The following TXNDC11 variants were observed in gnomAD, a reference collection of about 807,000 sequenced individuals.
TXNDC11 encodes the protein thioredoxin domain-containing protein 11.
Under a neutral mutation model 78.0 loss-of-function variants are expected in TXNDC11, and 68 were observed. The ratio of observed to expected loss-of-function variants is 0.87; its 90% confidence interval spans 0.72 to 1.07. The LOEUF (loss-of-function observed/expected upper bound fraction) is 1.07. TXNDC11 is among the 50% of genes least tolerant of loss of function. TXNDC11 has a pLI of 0.00. For synonymous variants in TXNDC11, 571 were observed against 495.2 expected, an observed-to-expected ratio of 1.15 and a Z score of -2.03; for missense variants, 1,389 against 1,221.8, an observed-to-expected ratio of 1.14 and a Z score of -2.04.
At chr16:11,704,915 CT>C (rs60887025) in intron 5 of TXNDC11, among the ~76,000 whole-genome samples, 45 of 147,088 alleles carry the variant, frequency 3.1e-4, no homozygotes, top group Middle Eastern at 3.5e-3. Flanking sequence ...CTTTTTCTTT[CT>C]TTTTTTTTTT....
chr16:11,712,442 C>T (rs1328602894), intron 5 of TXNDC11, among the ~76,000 whole-genome samples: 4 of 152,302 alleles, frequency 2.6e-5, no homozygotes, highest in Middle Eastern at 3.4e-3. Flanking sequence ...ACAGACCCAT[C>T]ACTAAATTCT....
At chr16:11,700,638 T>C in intron 5 of TXNDC11, 74 bp from the exon 6 acceptor site, 1 of 733,396 alleles carries the variant, frequency 1.4e-6, no homozygotes, top group Non-Finnish European at 2.4e-6. Flanking sequence ...AGTGATCAAG[T>C]CTTGAAGCAC....
intron 5 of TXNDC11, among the ~76,000 whole-genome samples, chr16:11,703,175 A>C (rs1198911155): frequency 2.0e-5 from 3 of 152,206 alleles, no homozygotes; most frequent in African/African-American, 7.2e-5. Context: ...TAACTATTGC[A>C]AACGGGTAAC....
At chr16:11,695,616 C>T (rs7192361) in intron 7 of TXNDC11, among the ~76,000 whole-genome samples, 12,726 of 152,180 alleles carry the variant, frequency 0.084, 1,172 homozygotes, top group African/African-American at 0.22. Flanking sequence ...CCCTACTTTC[C>T]ACCCTCCACC....
chr16:11,706,946 A>T (rs990923282), intron 5 of TXNDC11, among the ~76,000 whole-genome samples: 3 of 152,108 alleles, frequency 2.0e-5, no homozygotes, highest in Non-Finnish European at 4.4e-5. Flanking sequence ...GTATTTGCAG[A>T]ATTTAAAACC....
chr16:11,687,262 T>C (rs369350228), intron 10 of TXNDC11, among the ~76,000 whole-genome samples: 5 of 152,284 alleles, frequency 3.3e-5, no homozygotes, highest in African/African-American at 1.2e-4. Flanking sequence ...CTCTTATCTA[T>C]CTGTAGGGTT....
rs751659956 is a variant in TXNDC11 at position 11,691,763 on chromosome 16, T to A, written c.1427A>T (p.Tyr476Phe). 12 of 1,614,082 alleles carry A rather than the reference T, an allele frequency of 7.4e-6. No individual in the cohort carries two copies. The highest frequency in any genetic ancestry group is 1.0e-5 in the Non-Finnish European group (12 of 1,180,048). Residue 476 changes from tyrosine (Y) to phenylalanine (F), a missense_variant, in exon 8 of 12, where the codon TAC (tyrosine) becomes TTC (phenylalanine). By Grantham distance (22) the Tyr-to-Phe change is conservative. Coordinates refer to ENST00000283033, the MANE Select transcript of TXNDC11 (RefSeq NM_015914.7). ...FEMAAALDSF[Y>F]LKEQTFYHVA... ...ATGATAAAAGGTCTGCTCCTTGAGG[T>A]AGAAAGAATCCAGAGCTGCTGCCAT... is the stretch of plus-strand genomic sequence containing the variant.
chr16:11,721,966 C>T (rs1469972705), intron 4 of TXNDC11, among the ~76,000 whole-genome samples: 1 of 152,154 alleles, frequency 6.6e-6, no homozygotes, highest in Non-Finnish European at 1.5e-5. Context: ...TAGGTCTTTC[C>T]ACACCCTGTT....
intron 1 of TXNDC11, chr16:11,742,098 G>C (rs1295611667): frequency 4.4e-6 from 1 of 227,584 alleles, no homozygotes; most frequent in African/African-American, 2.3e-5. Context: ...CTCTCGCAAG[G>C]TTGTGGATCA....
At chr16:11,683,840 A>G (rs1232577131) in intron 11 of TXNDC11, among the ~76,000 whole-genome samples, 1 of 145,812 alleles carries the variant, frequency 6.9e-6, no homozygotes, top group East Asian at 2.0e-4. Flanking sequence ...CAACCTCCGC[A>G]TCCCAGGTTC....
intron 5 of TXNDC11, among the ~76,000 whole-genome samples, chr16:11,713,147 C>T (rs955047691): frequency 4.1e-5 from 6 of 145,104 alleles, no homozygotes; most frequent in African/African-American, 1.0e-4. Context: ...GGTTGCCAGG[C>T]GTGGTGGTGC....
rs117112334 is a variant in TXNDC11, at chr16:11,709,972, G to A, written c.794-9408C>T. 2.2e-4 allele frequency among the ~76,000 whole-genome samples: 34 copies of A among 152,146 alleles called. No individual in the cohort carries two copies. In the East Asian group the frequency reaches 5.2e-3, roughly 23 times the overall value. ...GCTCACACCACCACGGTGAAACCCC[G>A]TCTCTACTAGAAGTACAAACATTAG... On this transcript the variant is annotated intron_variant, in intron 5 of 11. Coordinates refer to ENST00000283033, the MANE Select transcript of TXNDC11 (RefSeq NM_015914.7).
chr16:11,729,126 C>G (rs2051969746), intron 4 of TXNDC11, among the ~76,000 whole-genome samples: 1 of 152,192 alleles, frequency 6.6e-6, no homozygotes, highest in Non-Finnish European at 1.5e-5. Context: ...ACTGAAGAAC[C>G]ATGTCAAAAC....
intron 10 of TXNDC11, among the ~76,000 whole-genome samples, chr16:11,685,234 T>C (rs2050533487): frequency 6.6e-6 from 1 of 152,166 alleles, no homozygotes; most frequent in Admixed American, 6.5e-5. Flanking sequence ...CACATGCCTG[T>C]AGTCCCAGCT....
At chr16:11,699,144 TTG>T (rs2141028488) in intron 6 of TXNDC11, among the ~76,000 whole-genome samples, 1 of 152,344 alleles carries the variant, frequency 6.6e-6, no homozygotes, top group Admixed American at 6.5e-5. Context: ...TAACCACTGC[TTG>T]TGTTTTTAAA....
At chr16:11,723,356 A>G (rs4781144) in intron 4 of TXNDC11, among the ~76,000 whole-genome samples, 72,033 of 151,746 alleles carry the variant, frequency 0.47, 17,410 homozygotes, top group Middle Eastern at 0.57. Flanking sequence ...AGGCTGAGGC[A>G]GGTGGATCAC....
chr16:11,710,661 G>A (rs900181945), intron 5 of TXNDC11, among the ~76,000 whole-genome samples: 4 of 152,138 alleles, frequency 2.6e-5, no homozygotes, highest in Non-Finnish European at 5.9e-5. Context: ...AGCAGCCTAG[G>A]CAACATGGCA....
At chr16:11,694,011 A>G (rs1186388723) in intron 7 of TXNDC11, among the ~76,000 whole-genome samples, 2 of 151,548 alleles carry the variant, frequency 1.3e-5, no homozygotes, top group African/African-American at 2.4e-5. Context: ...ATCTTTCTTC[A>G]TCTCTTTTAG....
intron 1 of TXNDC11, 95 bp downstream of exon 1, chr16:11,742,381 TC>T: frequency 9.4e-7 from 1 of 1,067,798 alleles, no homozygotes; most frequent in Non-Finnish European, 1.2e-6. Context: ...AGGCCCGACT[TC>T]CCCGGCTGAG....
Sources: allele counts gnomAD v4.1 joint callset (sites outside exome capture counted in the v4.1 genomes callset), GRCh38; gene constraint gnomAD v4.1.1; transcripts MANE v1.5; gene names NCBI Gene and HGNC (gene_info 2026-07-23, HGNC 2026-07-21).